The following AOAH variants were observed in gnomAD, a reference collection of about 807,000 sequenced individuals.
AOAH encodes acyloxyacyl hydrolase.
A neutral mutation model predicts 92.2 loss-of-function variants in AOAH; 64 were observed. The observed-to-expected ratio is 0.69, with a 90% CI of 0.57 to 0.86. The LOEUF (loss-of-function observed/expected upper bound fraction) is 0.86, where lower values mean the gene tolerates loss of function less well. Among genes scored for constraint, AOAH ranks in the 40% least tolerant of loss-of-function variants. The probability of loss-of-function intolerance (pLI) is 0.00; values close to 1 mark genes in which losing one functional copy is unlikely to be tolerated. For missense variants in AOAH, 656 were observed against 694.6 expected (o/e 0.94, Z 0.62); for synonymous variants, 263 against 254.5 (o/e 1.03, Z -0.32).
At position 36,631,871 on chromosome 7, in the gene AOAH, G is replaced by A. The variant is rs551574583; in HGVS notation, c.521+165C>T. ...TATATTTCCCAAACGATTTTCTTCA[G>A]AGCTCATTTGTCTTTTGGTTTCTGT... is the stretch of plus-strand genomic sequence containing the variant. On this transcript the variant is annotated intron_variant, in intron 6 of 20. Coordinates refer to ENST00000617537, the MANE Select transcript of AOAH (RefSeq NM_001637.4). Among the ~76,000 whole-genome samples, 22 of 152,262 alleles carry A rather than the reference G, an allele frequency of 1.4e-4. No homozygotes were observed. In the South Asian group the frequency reaches 4.6e-3, roughly 32 times the overall value.
chr7:36,530,003 G>A (rs954626914), intron 19 of AOAH, among the ~76,000 whole-genome samples: 2 of 152,206 alleles, frequency 1.3e-5, no homozygotes, highest in African/African-American at 2.4e-5. Flanking sequence ...AATCTGCACT[G>A]CTCCTGAGTC....
intron 2 of AOAH, among the ~76,000 whole-genome samples, chr7:36,678,147 C>T (rs940401374): frequency 2.0e-5 from 3 of 152,122 alleles, no homozygotes; most frequent in Non-Finnish European, 2.9e-5. Context: ...TACAGATTCC[C>T]TCTCCCTTGG....
intron 20 of AOAH, among the ~76,000 whole-genome samples, chr7:36,515,626 TCA>T (rs1260390232): frequency 1.8e-5 from 1 of 54,696 alleles, no homozygotes; most frequent in African/African-American, 7.5e-5. Flanking sequence ...ACACACATAA[TCA>T]CACACACACT....
Position 36,675,261 on chromosome 7 carries a change from A to G in AOAH, c.224-1252T>C, listed in dbSNP as rs187019432. 2.5e-3 allele frequency among the ~76,000 whole-genome samples: 388 copies of G among 152,338 alleles called. 4 individuals are homozygous for G. The highest frequency in any genetic ancestry group is 9.0e-3 in the African/African-American group (374 of 41,576). On this transcript the variant is annotated intron_variant, in intron 2 of 20. Coordinates refer to ENST00000617537, the MANE Select transcript of AOAH (RefSeq NM_001637.4). ...ACAAGAGTGAAACTCCGTCTCAAAT[A>G]AATAAATAAATAAATTGTGCCTTTG...
chr7:36,686,404 G>C (rs1446547508), intron 2 of AOAH, among the ~76,000 whole-genome samples: 1 of 152,138 alleles, frequency 6.6e-6, no homozygotes, highest in Non-Finnish European at 1.5e-5. Flanking sequence ...TCAGTAAGTA[G>C]GCAAATTATT....
intron 15 of AOAH, among the ~76,000 whole-genome samples, chr7:36,546,320 T>C (rs1247836066): frequency 1.3e-5 from 2 of 152,254 alleles, no homozygotes; most frequent in African/African-American, 2.4e-5. Flanking sequence ...TTGAGCTTTT[T>C]ATAAAATCCA....
Position 36,517,254 on chromosome 7 carries a change from G to GTCTCTCTCTC in AOAH, c.1600-3875_1600-3874insGAGAGAGAGA, listed in dbSNP as rs1217015209. On this transcript the variant is annotated intron_variant, in intron 20 of 20. Transcript: ENST00000617537. ...TCTCTCTCTCTCTCTCTTTCTTTCTGTGTCTCTCTCTTTCTTTCTTTCTTT... is the reference window on the plus strand; with the variant it reads ...TCTCTCTCTCTCTCTCTTTCTTTCTGTCTCTCTCTCTGTCTCTCTCTTTCTTTCTTTCTTT... 8.1e-4 allele frequency among the ~76,000 whole-genome samples: 51 copies of GTCTCTCTCTC among 62,944 alleles called. 4 individuals are homozygous for GTCTCTCTCTC. The highest frequency in any genetic ancestry group is 3.0e-3 in the African/African-American group (43 of 14,338). 41.3% of individuals were successfully genotyped at this position (62,944 alleles called of 152,430 possible).
At chr7:36,659,755 C>CTTTTTTTTTTT (rs112482487) in intron 3 of AOAH, among the ~76,000 whole-genome samples, 7 of 127,968 alleles carry the variant, frequency 5.5e-5, no homozygotes, top group Admixed American at 8.4e-5. Context: ...TTTTTTCTTT[C>CTTTTTTTTTTT]TTTTTTTTTT....
chr7:36,623,092 C>T, intron 7 of AOAH, 98 bp downstream of exon 7: 1 of 972,962 alleles, frequency 1.0e-6, no homozygotes, highest in South Asian at 1.4e-5. Flanking sequence ...ATTAATAATG[C>T]ATTCAAATGA....
intron 2 of AOAH, among the ~76,000 whole-genome samples, chr7:36,681,148 T>TA: frequency 6.6e-6 from 1 of 152,198 alleles, no homozygotes; most frequent in Non-Finnish European, 1.5e-5. Flanking sequence ...GGCAACCAGT[T>TA]AAAACAAAGC....
intron 2 of AOAH, among the ~76,000 whole-genome samples, chr7:36,677,701 C>A (rs1434443957): frequency 6.6e-6 from 1 of 152,124 alleles, no homozygotes; most frequent in Non-Finnish European, 1.5e-5. Context: ...ATGTAAACTC[C>A]TCAAATACCT....
intron 2 of AOAH, among the ~76,000 whole-genome samples, chr7:36,677,021 C>G (rs76404374): frequency 0.016 from 2,384 of 151,724 alleles, 58 homozygotes; most frequent in African/African-American, 0.054. Flanking sequence ...TTGGGTTAGG[C>G]AACGTTTTCT....
At chr7:36,576,368 T>C (rs1788498833) in intron 13 of AOAH, among the ~76,000 whole-genome samples, 1 of 152,246 alleles carries the variant, frequency 6.6e-6, no homozygotes, top group Non-Finnish European at 1.5e-5. Flanking sequence ...ACCCCTTGAC[T>C]GCAGCTTGTT....
chr7:36,513,535 G>A (rs533233456), intron 20 of AOAH, among the ~76,000 whole-genome samples, 155 bp from the exon 21 acceptor site: 20 of 152,322 alleles, frequency 1.3e-4, no homozygotes, highest in East Asian at 3.9e-4. Context: ...CCTTGCTGGC[G>A]GTGGGACCTA....
chr7:36,529,705 T>C (rs1232197053), intron 19 of AOAH, among the ~76,000 whole-genome samples: 2 of 152,184 alleles, frequency 1.3e-5, no homozygotes, highest in African/African-American at 4.8e-5. Flanking sequence ...GCTTTGCTCT[T>C]GTATAAAAAT....
chr7:36,716,851 A>T (rs1245696755), intron 1 of AOAH, among the ~76,000 whole-genome samples: 2 of 152,176 alleles, frequency 1.3e-5, no homozygotes, highest in African/African-American at 4.8e-5. Flanking sequence ...GAGGGATAGC[A>T]TTAGGAGATA....
chr7:36,545,726 A>G (rs764370464), intron 15 of AOAH, among the ~76,000 whole-genome samples: 1 of 152,228 alleles, frequency 6.6e-6, no homozygotes, highest in Non-Finnish European at 1.5e-5. Context: ...TAACAAATGA[A>G]ACCATATCCA....
At chr7:36,555,721 T>TA (rs1786654855) in intron 13 of AOAH, among the ~76,000 whole-genome samples, 1 of 152,238 alleles carries the variant, frequency 6.6e-6, no homozygotes, top group African/African-American at 2.4e-5. Context: ...TGGGAGAGCG[T>TA]ATGTGTCAAG....
intron 2 of AOAH, among the ~76,000 whole-genome samples, chr7:36,677,639 C>A (rs1181864840): frequency 6.6e-6 from 1 of 152,096 alleles, no homozygotes; most frequent in African/African-American, 2.4e-5. Flanking sequence ...TATGTCCACA[C>A]AGAAATGTGT....
Sources: allele counts gnomAD v4.1 joint callset (sites outside exome capture counted in the v4.1 genomes callset), GRCh38; gene constraint gnomAD v4.1.1; transcripts MANE v1.5; gene names NCBI Gene and HGNC (gene_info 2026-07-23, HGNC 2026-07-21).